SLC8A1: variants seen among roughly 807,000 people sequenced by gnomAD.
The protein encoded by SLC8A1 is solute carrier family 8 member A1, also known as sodium/calcium exchanger 1.
In SLC8A1, 18 loss-of-function variants were observed where a neutral mutation model predicts 68.3. That is an observed-to-expected ratio of 0.26 (90% confidence interval 0.18 to 0.39). The LOEUF (loss-of-function observed/expected upper bound fraction) is 0.39. Among genes scored for constraint, SLC8A1 ranks in the 10% least tolerant of loss-of-function variants. The pLI, the probability that SLC8A1 is intolerant of heterozygous loss-of-function variation, is 1.00. For missense variants in SLC8A1, 985 were observed against 1,156.7 expected (o/e 0.85, Z 2.15); for synonymous variants, 475 against 415.5 (o/e 1.14, Z -1.74).
intron 2 of SLC8A1, among the ~76,000 whole-genome samples, chr2:40,370,587 G>T (rs6712494): frequency 6.6e-6 from 1 of 151,808 alleles, no homozygotes; most frequent in Non-Finnish European, 1.5e-5. Context: ...AGAATGACTT[G>T]AGCTTTCTGC....
At chr2:40,221,412 C>A (rs2058315500) in intron 2 of SLC8A1, among the ~76,000 whole-genome samples, 1 of 152,094 alleles carries the variant, frequency 6.6e-6, no homozygotes, top group Admixed American at 6.6e-5. Flanking sequence ...ATGACAAACC[C>A]ACAGCCACTA....
intron 2 of SLC8A1, among the ~76,000 whole-genome samples, chr2:40,295,193 G>C (rs2070130190): frequency 6.6e-6 from 1 of 151,564 alleles, no homozygotes; most frequent in African/African-American, 2.4e-5. Flanking sequence ...TCAAACTCTT[G>C]GGCTCAAGTG....
intron 1 of SLC8A1, among the ~76,000 whole-genome samples, chr2:40,449,139 T>C (rs80081812): frequency 0.013 from 1,911 of 149,370 alleles, 44 homozygotes; most frequent in East Asian, 0.084. Flanking sequence ...TCTCACTGAA[T>C]TGCAACATTA....
intron 1 of SLC8A1, among the ~76,000 whole-genome samples, chr2:40,486,716 A>T (rs2149918720): frequency 6.6e-6 from 1 of 150,910 alleles, no homozygotes; most frequent in South Asian, 2.1e-4. Context: ...TGTTTTTTTT[A>T]ATTTCTTTTT....
intron 1 of SLC8A1, among the ~76,000 whole-genome samples, chr2:40,460,513 A>G (rs925845200): frequency 6.6e-6 from 1 of 152,184 alleles, no homozygotes; most frequent in African/African-American, 2.4e-5. Flanking sequence ...AAAAAAATGA[A>G]TTAGACACTC....
At chr2:40,465,659 A>T (rs1019857031) in intron 1 of SLC8A1, among the ~76,000 whole-genome samples, 1 of 152,154 alleles carries the variant, frequency 6.6e-6, no homozygotes, top group African/African-American at 2.4e-5. Flanking sequence ...ATTATAAAGA[A>T]TTTTAATATA....
intron 2 of SLC8A1, among the ~76,000 whole-genome samples, chr2:40,308,978 T>C (rs115465855): frequency 0.011 from 1,690 of 152,274 alleles, 31 homozygotes; most frequent in African/African-American, 0.039. Flanking sequence ...TTGGTCTCCA[T>C]AGTTAACTGG....
At chr2:40,259,367 T>G (rs1214501925) in intron 2 of SLC8A1, among the ~76,000 whole-genome samples, 1 of 152,226 alleles carries the variant, frequency 6.6e-6, no homozygotes, top group Non-Finnish European at 1.5e-5. Context: ...TTAACAGAAG[T>G]CCTACCCTCT....
At position 40,330,625 on chromosome 2, in the gene SLC8A1, G is replaced by C. The variant is rs2149372225; in HGVS notation, c.1808+97848C>G. ...TCAATAAATTACTATTATAAAGAGAGGTAATTGTCTATATACAAAATAAAT... is the reference window on the plus strand; with the variant it reads ...TCAATAAATTACTATTATAAAGAGACGTAATTGTCTATATACAAAATAAAT... On this transcript the variant is annotated intron_variant, in intron 2 of 7. Coordinates refer to ENST00000406785, the Ensembl canonical transcript of SLC8A1. Among the ~76,000 whole-genome samples the C allele has an allele frequency of 2.6e-5, 4 of 152,240 alleles. No individual in the cohort carries two copies. In the South Asian group the frequency reaches 8.3e-4, roughly 32 times the overall value.
intron 2 of SLC8A1, among the ~76,000 whole-genome samples, chr2:40,351,518 C>T (rs1671074961): frequency 6.6e-6 from 1 of 151,878 alleles, no homozygotes; most frequent in Non-Finnish European, 1.5e-5. Context: ...ATTCTAATCT[C>T]CAAATCTAAC....
Position 40,383,993 on chromosome 2 carries a change from A to T in SLC8A1, c.1808+44480T>A, listed in dbSNP as rs1349548424. ...TGGTAAGCACTGGCCAGGTGCAGTGACTCACACCTGCAATCTCAACATTTT... is the reference window on the plus strand; with the variant it reads ...TGGTAAGCACTGGCCAGGTGCAGTGTCTCACACCTGCAATCTCAACATTTT... On this transcript the variant is annotated intron_variant, in intron 2 of 7. Transcript: ENST00000406785. Among the ~76,000 whole-genome samples, 3 of 152,150 alleles carry T rather than the reference A, an allele frequency of 2.0e-5. No individual in the cohort carries two copies. In the East Asian group the frequency reaches 5.8e-4, roughly 30 times the overall value.
At chr2:40,471,631 T>G (rs932832753) in intron 1 of SLC8A1, among the ~76,000 whole-genome samples, 3 of 152,138 alleles carry the variant, frequency 2.0e-5, no homozygotes, top group African/African-American at 7.2e-5. Context: ...CACCCCTCAT[T>G]AAAATAAGAA....
At chr2:40,313,903 C>T (rs1553497878) in intron 2 of SLC8A1, among the ~76,000 whole-genome samples, 1 of 151,824 alleles carries the variant, frequency 6.6e-6, no homozygotes, top group Non-Finnish European at 1.5e-5. Context: ...AAATTTTGAG[C>T]ATTAATTAAA....
chr2:40,354,926 A>T (rs1352183392), intron 2 of SLC8A1, among the ~76,000 whole-genome samples: 1 of 152,134 alleles, frequency 6.6e-6, no homozygotes. Flanking sequence ...AAACTTTAAG[A>T]TGAGGCAATT....
chr2:40,455,392 G>A (rs539605808), upstream of SLC8A1, among the ~76,000 whole-genome samples: 1 of 152,236 alleles, frequency 6.6e-6, no homozygotes, highest in Non-Finnish European at 1.5e-5. Context: ...ATAAATCAGA[G>A]GTACCTCTAT....
At chr2:40,293,178 T>G (rs773234260) in intron 2 of SLC8A1, among the ~76,000 whole-genome samples, 1 of 152,182 alleles carries the variant, frequency 6.6e-6, no homozygotes, top group Non-Finnish European at 1.5e-5. Flanking sequence ...CAATGTCTAT[T>G]GACCTCGTTA....
chr2:40,228,409 G>A (rs1366550978), intron 2 of SLC8A1, among the ~76,000 whole-genome samples: 1 of 152,184 alleles, frequency 6.6e-6, no homozygotes, highest in Admixed American at 6.5e-5. Flanking sequence ...AAATGCTGCT[G>A]TCTACATTGG....
At chr2:40,381,565 C>G (rs998510579) in intron 2 of SLC8A1, among the ~76,000 whole-genome samples, 1 of 151,888 alleles carries the variant, frequency 6.6e-6, no homozygotes, top group African/African-American at 2.4e-5. Flanking sequence ...CCATTCTTCC[C>G]ATCTCCATAA....
chr2:40,169,518 G>A (rs2047096896), intron 4 of SLC8A1, among the ~76,000 whole-genome samples: 1 of 152,120 alleles, frequency 6.6e-6, no homozygotes, highest in African/African-American at 2.4e-5. Context: ...TAGTCACCCT[G>A]TCAATGTCAT....
Sources: allele counts gnomAD v4.1 joint callset (sites outside exome capture counted in the v4.1 genomes callset), GRCh38; gene constraint gnomAD v4.1.1; transcripts MANE v1.5; gene names NCBI Gene and HGNC (gene_info 2026-07-23, HGNC 2026-07-21).